Variants in ADAMTS10 observed in about 807,000 individuals in gnomAD.
ADAMTS10 encodes the protein ADAM metallopeptidase with thrombospondin type 1 motif 10.
In ADAMTS10, 48 loss-of-function variants were observed where a neutral mutation model predicts 135.9. That is an observed-to-expected ratio of 0.35 (90% CI 0.28 to 0.45). The LOEUF (loss-of-function observed/expected upper bound fraction) is 0.45, where lower values mean the gene tolerates loss of function less well. Among genes scored for constraint, ADAMTS10 ranks in the 20% least tolerant of loss-of-function variants. The pLI, the probability that ADAMTS10 is intolerant of heterozygous loss-of-function variation, is 1.00. For synonymous variants in ADAMTS10, 621 were observed against 647.5 expected (o/e 0.96, Z 0.62); for missense variants, 1,131 against 1,565.2 (o/e 0.72, Z 4.68).
intron 6 of ADAMTS10, among the ~76,000 whole-genome samples, chr19:8,597,593 C>G (rs533678293): frequency 2.0e-5 from 3 of 151,880 alleles, no homozygotes; most frequent in Non-Finnish European, 2.9e-5. Flanking sequence ...CATGCCCAGC[C>G]ATGTATCAGT....
At chr19:8,582,168 T>G (rs1555736004) in intron 25 of ADAMTS10, among the ~76,000 whole-genome samples, 1 of 152,062 alleles carries the variant, frequency 6.6e-6, no homozygotes, top group East Asian at 1.9e-4. Flanking sequence ...CTCGTTTTCT[T>G]TTTTAATAAA....
Position 8,605,680 on chromosome 19 carries a change from C to A in ADAMTS10, c.31G>T (p.Ala11Ser). The A allele has an allele frequency of 6.2e-7, 1 of 1,612,816 alleles. No individual in the cohort carries two copies. The highest frequency in any genetic ancestry group is 8.5e-7 in the Non-Finnish European group (1 of 1,179,816). MAPACQILRW[A>S]LALGLGLMFE... Reference sequence around the variant, plus strand: ...ATGAGGCCCAGCCCCAGGGCGAGGGCCCAGCGGAGGATCTGGCAGGCGGGA... The same window carrying A: ...ATGAGGCCCAGCCCCAGGGCGAGGGACCAGCGGAGGATCTGGCAGGCGGGA... The change falls in exon 3 of 26, where the codon GCC (alanine) becomes TCC (serine). Residue 11 changes from alanine (A) to serine (S), a missense_variant. Ala to Ser is a moderately conservative substitution (Grantham distance 99, BLOSUM62 1). This residue lies in a region of ADAMTS10 where 306 missense variants were observed against 344.4 expected (regional missense o/e 0.89). Coordinates refer to ENST00000597188, the MANE Select transcript of ADAMTS10 (RefSeq NM_030957.4). The surrounding 1 kb of genome is among the most constrained non-coding windows in gnomAD (Gnocchi z 7.7).
chr19:8,595,709 G>GGCCCCCCCCCCC, intron 12 of ADAMTS10, 53 bp downstream of exon 12: 1 of 798,698 alleles, frequency 1.3e-6, no homozygotes, highest in Non-Finnish European at 1.9e-6. Context: ...CCCTCCCCCA[G>GGCCCCCCCCCCC]CCCCAGCGGC....
intron 18 of ADAMTS10, 75 bp from the exon 19 acceptor site, chr19:8,586,971 T>C (rs1367184312): frequency 6.8e-7 from 1 of 1,471,352 alleles, no homozygotes; most frequent in Non-Finnish European, 9.5e-7. Context: ...CCCCGGCCCA[T>C]GAGGATAACA....
At chr19:8,586,061 C>T in intron 22 of ADAMTS10, 61 bp downstream of exon 22, 1 of 1,610,830 alleles carries the variant, frequency 6.2e-7, no homozygotes, top group South Asian at 1.1e-5. Context: ...AGCACTCGCT[C>T]TTGACTCCAG....
intron 18 of ADAMTS10, 29 bp downstream of exon 18, chr19:8,589,213 A>C (rs2042482685): frequency 6.2e-7 from 1 of 1,611,542 alleles, no homozygotes; most frequent in Non-Finnish European, 8.5e-7. Context: ...CCATGCAGGG[A>C]GTGTGGGAGG....
Position 8,603,786 on chromosome 19 carries a change from C to G in ADAMTS10, c.534G>C (p.Val178=). ...GACGCAGAGAGGAACGCTTGTACAC[C>G]ACATGTGGTCCACTTTCCTCCGGGC... ...SRSPEESGPH[V]VYKRSSLRHP... The change falls in exon 5 of 26, where the codon GTG becomes GTC. Residue 178 remains valine (V), a synonymous_variant. Coordinates refer to ENST00000597188, the MANE Select transcript of ADAMTS10 (RefSeq NM_030957.4). 1 of 1,614,140 alleles carries G rather than the reference C, an allele frequency of 6.2e-7. No individual in the cohort carries two copies. Among genetic ancestry groups the G allele is most frequent in the African/African-American group, 1.3e-5 (1 of 75,040 alleles).
intron 18 of ADAMTS10, among the ~76,000 whole-genome samples, chr19:8,587,430 G>C (rs1555737609): frequency 8.1e-6 from 1 of 122,946 alleles, no homozygotes; most frequent in African/African-American, 3.1e-5. Flanking sequence ...TCTTGCCTCA[G>C]CCTCCCAAAG....
intron 2 of ADAMTS10, among the ~76,000 whole-genome samples, chr19:8,606,108 T>C (rs1555742572): frequency 1.3e-5 from 2 of 152,214 alleles, no homozygotes; most frequent in Non-Finnish European, 2.9e-5. Context: ...TCACCTAGGA[T>C]GGAGTGCAGT....
chr19:8,587,163 CTT>C (rs1194992099), intron 18 of ADAMTS10, among the ~76,000 whole-genome samples: 7 of 143,444 alleles, frequency 4.9e-5, no homozygotes, highest in Admixed American at 7.0e-5. Context: ...TTCTTTCTTT[CTT>C]TTTTTTTTTT....
In ADAMTS10 at chr19:8,596,353, T is replaced by C. The variant is rs931211312; in HGVS notation, c.1144A>G (p.Ile382Val). 57 of 1,613,042 alleles carry C rather than the reference T, an allele frequency of 3.5e-5. No individual in the cohort carries two copies. The highest frequency in any genetic ancestry group is 4.7e-5 in the Non-Finnish European group (56 of 1,179,914). ...RERSCSVNED[I>V]GLATAFTIAH... Reference sequence around the variant, plus strand: ...ATGGTGAACGCTGTGGCCAGGCCAATGTCCTCATTGACGCTGCAGCTTCTC... The same window carrying C: ...ATGGTGAACGCTGTGGCCAGGCCAACGTCCTCATTGACGCTGCAGCTTCTC... Residue 382 changes from isoleucine to valine, a missense_variant, in exon 10 of 26, where the codon ATT (isoleucine) becomes GTT (valine). Ile to Val is a conservative substitution (Grantham distance 29). Coordinates refer to ENST00000597188, the MANE Select transcript of ADAMTS10 (RefSeq NM_030957.4). The surrounding 1 kb of genome is among the most constrained non-coding windows in gnomAD (Gnocchi z 7.2).
Position 8,586,186 on chromosome 19 carries a change from A to C in ADAMTS10, c.2596T>G (p.Cys866Gly). Residue 866 changes from cysteine to glycine, a missense_variant, in exon 22 of 26, where the codon TGC becomes GGC. By Grantham distance (159) the Cys-to-Gly change is radical. Around this residue, in one of 3 missense-constraint regions of ADAMTS10, gnomAD observed 745 missense variants for 1,056.3 expected, o/e 0.71. Transcript: ENST00000597188. ...LDSSAVAPHYCSAHSKLPKRQ... is the reference protein window; with the variant it reads ...LDSSAVAPHYGSAHSKLPKRQ... ...TTGGGCAGCTTGCTGTGGGCACTGC[A>C]GTAGTGGGGGGCGACCGCGGAGCTG... The C allele has an allele frequency of 6.2e-7, 1 of 1,612,848 alleles. No individual in the cohort carries two copies.
rs2042772027 is a variant in ADAMTS10 at position 8,610,711 on chromosome 19, G to C, written c.-282C>G. 6.7e-6 allele frequency: 1 copy of C among 149,862 alleles called. No individual in the cohort carries two copies. The highest frequency in any genetic ancestry group is 2.4e-5 in the African/African-American group (1 of 41,106). 9.3% of individuals were successfully genotyped at this position (149,862 alleles called of 1,614,324 possible). On this transcript the variant is annotated 5_prime_UTR_variant, in exon 1 of 26. Coordinates refer to ENST00000597188, the MANE Select transcript of ADAMTS10 (RefSeq NM_030957.4). ...TCGCCGCCCCGCGCGCGCAGGAAGG[G>C]AGGGAGCGAGCGAGCGCGGCGGCGT...
Position 8,605,696 on chromosome 19 carries a change from G to T in ADAMTS10, c.15C>A (p.Cys5Ter). 6.2e-7 allele frequency: 1 copy of T among 1,609,448 alleles called. No homozygotes were observed. The change falls in exon 3 of 26, where the codon TGC becomes TGA. Residue 5 changes from cysteine (C) to a stop codon, truncating the protein, a stop_gained. Coordinates refer to ENST00000597188, the MANE Select transcript of ADAMTS10 (RefSeq NM_030957.4). LOFTEE classifies it high-confidence loss of function. This position sits in a 1 kb window ranked among gnomAD's most constrained non-coding sequence, Gnocchi z 7.7. MAPA[C>*]QILRWALALG... is the part of the protein sequence containing the mutation. ...GGGCGAGGGCCCAGCGGAGGATCTG[G>T]CAGGCGGGAGCCATAGAGGCCACGT...
chr19:8,600,229 A>T (rs2042647785), intron 6 of ADAMTS10, among the ~76,000 whole-genome samples: 1 of 152,190 alleles, frequency 6.6e-6, no homozygotes, highest in African/African-American at 2.4e-5. Context: ...TAGGTACCAC[A>T]ATTATGCCCA....
chr19:8,589,911 G>C lies in ADAMTS10; in HGVS notation c.1878C>G (p.Tyr626Ter), dbSNP rs1331394410. ...CACCTCCCCGGTACGTTTTCCACTT[G>C]TAGAATTTCCCACGGAAAGGGATGC... ...FDSIPFRGKF[Y>*]KWKTYRGGGV... Residue 626 changes from tyrosine (Y) to a stop codon, truncating the protein, a stop_gained, in exon 16 of 26, where the codon TAC becomes TAG. Coordinates refer to ENST00000597188, the MANE Select transcript of ADAMTS10 (RefSeq NM_030957.4). LOFTEE classifies it high-confidence loss of function. 6.2e-7 allele frequency: 1 copy of C among 1,613,962 alleles called. No individual in the cohort carries two copies. Among genetic ancestry groups the C allele is most frequent in the Non-Finnish European group, 8.5e-7 (1 of 1,179,994 alleles).
intron 25 of ADAMTS10, among the ~76,000 whole-genome samples, 158 bp downstream of exon 25, chr19:8,584,737 C>G (rs2042399917): frequency 6.6e-6 from 1 of 152,146 alleles, no homozygotes; most frequent in Non-Finnish European, 1.5e-5. Context: ...TTAATAAATG[C>G]TTGCAGGGAG....
Position 8,585,174 on chromosome 19 carries a change from G to A in ADAMTS10, c.3000C>T (p.Arg1000=), listed in dbSNP as rs1402779668. The A allele has an allele frequency of 7.1e-7, 1 of 1,411,992 alleles. No homozygotes were observed. Among genetic ancestry groups the A allele is most frequent in the South Asian group, 1.5e-5 (1 of 65,480 alleles). The allele number at this position is 1,411,992 out of a possible 1,614,324, so 87.5% of individuals were successfully genotyped here. The change falls in exon 24 of 26, where the codon CGC becomes CGT. Residue 1000 remains arginine, a synonymous_variant. Transcript: ENST00000597188. ...CCACCCAGCGGGCCGGGGGGCAGCG[G>A]CGCAAGTTGCAGCGCATGGTGGCCG... ...KPPATMRCNL[R]RCPPARWVAG...
At chr19:8,586,048 TGGAGCACTCGCTCTTGACTCCAG>T in intron 22 of ADAMTS10, 51 bp downstream of exon 22, 1 of 1,608,328 alleles carries the variant, frequency 6.2e-7, no homozygotes. Context: ...CCCACCCCCC[TGGAGCACTCGCTCTTGACTCCAG>T]GGAGTACTCT....
Sources: gnomAD v4.1 joint callset for allele counts (sites outside exome capture counted in the v4.1 genomes callset) on GRCh38, gnomAD v4.1.1 for gene constraint, gnomAD v4.1.1 regional missense constraint, Gnocchi (gnomAD v3.1) non-coding constraint, MANE v1.5 for transcripts, NCBI Gene and HGNC (gene_info 2026-07-23, HGNC 2026-07-21) for gene names.